Variants in MYRIP observed in about 807,000 individuals in gnomAD.
The protein encoded by MYRIP is rab effector MyRIP.
MYRIP carries 49 observed loss-of-function variants against 98.0 expected under a neutral mutation model. The ratio of observed to expected loss-of-function variants is 0.50; its 90% CI spans 0.40 to 0.63. The LOEUF (loss-of-function observed/expected upper bound fraction) is 0.63. Among genes scored for constraint, MYRIP ranks in the 30% least tolerant of loss-of-function variants. MYRIP has a pLI of 0.00. For synonymous variants in MYRIP, 404 were observed against 409.5 expected (o/e 0.99, Z 0.16); for missense variants, 1,004 against 1,058.2 (o/e 0.95, Z 0.71).
At position 40,212,261 on chromosome 3, in the gene MYRIP, C is replaced by CACAA. The variant is rs1553628241; in HGVS notation, c.1905+2168_1905+2169insACAA. Among the ~76,000 whole-genome samples, 2 of 100,436 alleles carry CACAA rather than the reference C, an allele frequency of 2.0e-5. 1 individual carries two copies. The allele number at this position is 100,436 out of a possible 152,430, so 65.9% of individuals were successfully genotyped here. A position where few individuals can be genotyped will look rare whatever the true frequency, so the allele number is the denominator to read the frequency against. ...ACACACACACATATATATATATACACGTATATATATAGAGAGAGAGCGCCA... is the reference window on the plus strand; with the variant it reads ...ACACACACACATATATATATATACACACAAGTATATATATAGAGAGAGAGCGCCA... On this transcript the variant is annotated intron_variant, in intron 11 of 16. Coordinates refer to ENST00000302541, the MANE Select transcript of MYRIP (RefSeq NM_015460.4).
intron 11 of MYRIP, among the ~76,000 whole-genome samples, chr3:40,232,031 T>C (rs1181839367): frequency 2.0e-5 from 3 of 152,198 alleles, no homozygotes; most frequent in African/African-American, 7.2e-5. Flanking sequence ...GTGGGGGACA[T>C]CCTCTGCACA....
rs142994038 is a variant in MYRIP, at chr3:40,004,342, C to T, written c.111-39708C>T. The stretch of plus-strand genomic sequence containing the variant: ...TCCACCCTCTGCTGTGATGCTGAGA[C>T]AGGACAAAAGTGGGGCTGTGCTAGG... On this transcript the variant is annotated intron_variant, in intron 2 of 16. Coordinates refer to ENST00000302541, the MANE Select transcript of MYRIP (RefSeq NM_015460.4). 1.9e-4 allele frequency among the ~76,000 whole-genome samples: 29 copies of T among 152,246 alleles called. 1 individual carries two copies. Among genetic ancestry groups the T allele is most frequent in the Admixed American group, 5.2e-4 (8 of 15,282 alleles).
chr3:40,169,218 G>A (rs1950559966), intron 7 of MYRIP, among the ~76,000 whole-genome samples: 1 of 152,150 alleles, frequency 6.6e-6, no homozygotes, highest in Admixed American at 6.5e-5. Context: ...CAACATGGCT[G>A]GGTCCCCACC....
chr3:40,250,276 G>A lies in MYRIP; in HGVS notation c.2317G>A (p.Ala773Thr), dbSNP rs1405874414. 2.5e-6 allele frequency: 4 copies of A among 1,614,040 alleles called. No individual in the cohort carries two copies. The East Asian group carries it at 8.9e-5, about 36-fold the overall frequency. The change falls in exon 14 of 17, where the codon GCA becomes ACA. Residue 773 changes from alanine (A) to threonine (T), a missense_variant. Ala to Thr is a moderately conservative substitution (Grantham distance 58, BLOSUM62 0). Coordinates refer to ENST00000302541, the MANE Select transcript of MYRIP (RefSeq NM_015460.4). ...SALTIAGLNI[A>T]PCVRFTRRRD... ...CCTGACCATTGCAGGATTAAACATA[G>A]CACCATGTGTGCGCTTCACAAGAAG... is the stretch of plus-strand genomic sequence containing the variant.
chr3:39,932,160 C>G (rs190512403), intron 2 of MYRIP, among the ~76,000 whole-genome samples: 1 of 152,248 alleles, frequency 6.6e-6, no homozygotes, highest in African/African-American at 2.4e-5. Flanking sequence ...AAGAGTGTAT[C>G]ACAAGATAGG....
intron 2 of MYRIP, among the ~76,000 whole-genome samples, chr3:39,961,209 A>G (rs1945316275): frequency 6.6e-6 from 1 of 152,080 alleles, no homozygotes; most frequent in Non-Finnish European, 1.5e-5. Flanking sequence ...TTTTTCAGGC[A>G]ATTTTCCTTG....
intron 2 of MYRIP, among the ~76,000 whole-genome samples, chr3:39,919,727 T>TGTGTGAGAGAGAGAGAGA (rs1553645683): frequency 3.2e-5 from 4 of 123,382 alleles, no homozygotes; most frequent in African/African-American, 1.2e-4. Flanking sequence ...TGTGTGTGTG[T>TGTGTGAGAGAGAGAGAGA]GAGAGAGAGA....
chr3:39,859,303 T>G (rs1272807612), intron 1 of MYRIP, among the ~76,000 whole-genome samples: 6 of 152,118 alleles, frequency 3.9e-5, no homozygotes, highest in Non-Finnish European at 5.9e-5. Context: ...CTTAGGAACA[T>G]ACAACCGGCC....
intron 2 of MYRIP, among the ~76,000 whole-genome samples, chr3:39,974,666 C>T (rs533250805): frequency 1.3e-5 from 2 of 152,264 alleles, no homozygotes; most frequent in East Asian, 3.9e-4. Context: ...TACTGGCAAA[C>T]CAAATCCAGC....
chr3:39,884,131 A>G (rs1943226975), intron 1 of MYRIP, among the ~76,000 whole-genome samples: 1 of 152,156 alleles, frequency 6.6e-6, no homozygotes, highest in Non-Finnish European at 1.5e-5. Context: ...ATATCTGACT[A>G]GAAACCAGTA....
intron 2 of MYRIP, among the ~76,000 whole-genome samples, chr3:40,025,590 C>T (rs917029770): frequency 3.9e-5 from 6 of 152,072 alleles, no homozygotes; most frequent in African/African-American, 1.4e-4. Context: ...GGGAACCCGC[C>T]CCCAATATTT....
At chr3:39,836,560 G>A (rs913058129) in intron 1 of MYRIP, among the ~76,000 whole-genome samples, 5 of 151,970 alleles carry the variant, frequency 3.3e-5, no homozygotes, top group Non-Finnish European at 5.9e-5. Flanking sequence ...CTCCTTTTGC[G>A]AGGGCATTAG....
intron 1 of MYRIP, among the ~76,000 whole-genome samples, chr3:39,856,997 A>C (rs1942316081): frequency 6.6e-6 from 1 of 152,144 alleles, no homozygotes; most frequent in Non-Finnish European, 1.5e-5. Context: ...CTTTGGGAGG[A>C]TTCTTTGAGC....
intron 4 of MYRIP, among the ~76,000 whole-genome samples, chr3:40,153,906 C>T (rs1950167511): frequency 6.6e-6 from 1 of 152,132 alleles, no homozygotes; most frequent in South Asian, 2.1e-4. Context: ...CTTTCGGAGG[C>T]TGAGGCAGGC....
At chr3:39,854,477 T>G (rs1942225154) in intron 1 of MYRIP, among the ~76,000 whole-genome samples, 1 of 152,168 alleles carries the variant, frequency 6.6e-6, no homozygotes, top group Admixed American at 6.5e-5. Context: ...AGTCTTTCAT[T>G]TCCAGAAGTT....
At position 40,062,344 on chromosome 3, in the gene MYRIP, G is replaced by C. The variant is rs898443298; in HGVS notation, c.332+18073G>C. ...GCCAGTTATCCCAGCACCATTTATTGATTAGGAAGTCCTTTCCCCGTTGCT... is the reference window on the plus strand; with the variant it reads ...GCCAGTTATCCCAGCACCATTTATTCATTAGGAAGTCCTTTCCCCGTTGCT... On this transcript the variant is annotated intron_variant, in intron 3 of 16. Coordinates refer to ENST00000302541, the MANE Select transcript of MYRIP (RefSeq NM_015460.4). 3.3e-5 allele frequency among the ~76,000 whole-genome samples: 5 copies of C among 152,112 alleles called. No homozygotes were observed. In the East Asian group the frequency reaches 9.6e-4, roughly 29 times the overall value.
Position 40,084,319 on chromosome 3 carries a change from A to C in MYRIP, c.332+40048A>C, listed in dbSNP as rs1003684757. Among the ~76,000 whole-genome samples the C allele has an allele frequency of 7.1e-3, 998 of 140,962 alleles. 14 individuals are homozygous for C. The highest frequency in any genetic ancestry group is 0.017 in the East Asian group (83 of 4,766). 92.5% of individuals were successfully genotyped at this position (140,962 alleles called of 152,430 possible). A position where few individuals can be genotyped will look rare whatever the true frequency, so the allele number is the denominator to read the frequency against. On this transcript the variant is annotated intron_variant, in intron 3 of 16. Transcript: ENST00000302541. ...TATATAATACACATCTATGTATTAT[A>C]TATCGATAGATAATACACATCTATG...
At chr3:39,940,483 T>C (rs1391671235) in intron 2 of MYRIP, among the ~76,000 whole-genome samples, 1 of 152,178 alleles carries the variant, frequency 6.6e-6, no homozygotes, top group Non-Finnish European at 1.5e-5. Context: ...ATTTTGAATG[T>C]TGTACTAGAT....
intron 1 of MYRIP, among the ~76,000 whole-genome samples, chr3:39,886,981 C>G (rs1489080355): frequency 6.6e-6 from 1 of 151,866 alleles, no homozygotes; most frequent in Non-Finnish European, 1.5e-5. Flanking sequence ...GAAATTATAA[C>G]AAACTGTCTC....
Sources: allele counts gnomAD v4.1 joint callset (sites outside exome capture counted in the v4.1 genomes callset), GRCh38; gene constraint gnomAD v4.1.1; transcripts MANE v1.5; gene names NCBI Gene and HGNC (gene_info 2026-07-23, HGNC 2026-07-21).